Variants in OTC observed in about 807,000 individuals in gnomAD.
OTC encodes the protein ornithine transcarbamylase, mitochondrial.
Under a neutral mutation model 30.3 loss-of-function variants are expected in OTC, and 3 were observed. That is an observed-to-expected ratio of 0.10 (90% CI 0.05 to 0.26). The LOEUF is 0.26. Among genes scored for constraint, OTC ranks in the 10% least tolerant of loss-of-function variants. The pLI is 1.00. For synonymous variants in OTC, 111 were observed against 99.7 expected (o/e 1.11, Z -0.67); for missense variants, 194 against 260.3 (o/e 0.75, Z 1.75).
rs942061780 is a variant in OTC at position 38,406,443 on chromosome X, T to A, written c.664-2299T>A. ...GGGTGTGTTAATCACCTTCTTTGTCTGGTTTTAAAATTTATGTAAAGGCTA... is the reference window on the plus strand; with the variant it reads ...GGGTGTGTTAATCACCTTCTTTGTCAGGTTTTAAAATTTATGTAAAGGCTA... On this transcript the variant is annotated intron_variant, in intron 6 of 9. Transcript: ENST00000039007. 4.5e-5 allele frequency among the ~76,000 whole-genome samples: 5 copies of A among 112,012 alleles called. No individual in the cohort carries two copies. In the Admixed American group the frequency reaches 4.7e-4, roughly 11 times the overall value.
chrX:38,367,382 C>A lies in OTC; in HGVS notation c.169C>A (p.Leu57Ile). 1 of 1,201,920 alleles carries A rather than the reference C, an allele frequency of 8.3e-7. No individual in the cohort carries two copies. The highest frequency in any genetic ancestry group is 1.1e-6 in the Non-Finnish European group (1 of 886,829). ...TACCGGAGAAGAAATTAAATATATGCTATGGCTATCAGCAGATCTGAAATT... is the reference window on the plus strand; with the variant it reads ...TACCGGAGAAGAAATTAAATATATGATATGGCTATCAGCAGATCTGAAATT... ...NFTGEEIKYM[L>I]WLSADLKFRI... Residue 57 changes from leucine (L) to isoleucine (I), a missense_variant, in exon 2 of 10, where the codon CTA (leucine) becomes ATA (isoleucine). Leu to Ile is a conservative substitution (Grantham distance 5). Coordinates refer to ENST00000039007, the MANE Select transcript of OTC (RefSeq NM_000531.6).
intron 9 of OTC, among the ~76,000 whole-genome samples, chrX:38,416,669 A>C (rs1275916580): frequency 8.9e-6 from 1 of 112,259 alleles, no homozygotes; most frequent in African/African-American, 3.2e-5. Flanking sequence ...ACAATGAATA[A>C]TTTTTAGTCT....
chrX:38,383,436 C>T (rs2068386131), intron 4 of OTC, among the ~76,000 whole-genome samples: 2 of 111,762 alleles, frequency 1.8e-5, no homozygotes, highest in South Asian at 7.4e-4. Flanking sequence ...TTTCTAAGGC[C>T]GTGTTGTTTT....
At chrX:38,390,500 C>T (rs774299296) in intron 4 of OTC, among the ~76,000 whole-genome samples, 2 of 112,214 alleles carry the variant, frequency 1.8e-5, no homozygotes, top group Non-Finnish European at 3.8e-5. Flanking sequence ...TATGCACAAC[C>T]AAAACATCCT....
intron 2 of OTC, 98 bp from the exon 3 acceptor site, chrX:38,369,685 TAAACACTTATTTG>T: frequency 2.6e-6 from 1 of 381,657 alleles, no homozygotes; most frequent in Non-Finnish European, 4.4e-6. Flanking sequence ...AACAATATTT[TAAACACTTATTTG>T]GGGGTAGTTA....
At chrX:38,386,368 A>T (rs769629739) in intron 4 of OTC, among the ~76,000 whole-genome samples, 4 of 42,298 alleles carry the variant, frequency 9.5e-5, no homozygotes, top group African/African-American at 2.9e-4. Flanking sequence ...GTGAGACTCC[A>T]TCTCAAAAAA....
chrX:38,337,146 A>G, the OTC span, among the ~76,000 whole-genome samples: 1 of 111,911 alleles, frequency 8.9e-6, no homozygotes, highest in South Asian at 3.7e-4. Flanking sequence ...GGCCCACCAA[A>G]TAGCATGCCT....
chrX:38,333,483 A>G, the OTC span, among the ~76,000 whole-genome samples: 1 of 110,028 alleles, frequency 9.1e-6, no homozygotes, highest in Admixed American at 9.7e-5. Flanking sequence ...ACAGTCACGC[A>G]TGCTTTCGGT....
chrX:38,394,284 ATTTTC>A (rs1489816590), intron 4 of OTC, among the ~76,000 whole-genome samples: 1 of 112,348 alleles, frequency 8.9e-6, no homozygotes, highest in African/African-American at 3.2e-5. Context: ...TATTGTGAAC[ATTTTC>A]TTTTCTTTTA....
chrX:38,377,394 C>A (rs1157842118), intron 3 of OTC, among the ~76,000 whole-genome samples: 1 of 111,157 alleles, frequency 9.0e-6, no homozygotes, highest in Non-Finnish European at 1.9e-5. Flanking sequence ...AATGATGCAT[C>A]TTAAAGAACT....
Position 38,370,386 on chromosome X carries a change from T to C in OTC, c.298+509T>C, listed in dbSNP as rs777637238. On this transcript the variant is annotated intron_variant, in intron 3 of 9. Transcript: ENST00000039007. ...ATCTGAATGTCAAGACATGTAGGGG[T>C]ATGGGGATCTGGTCCTTGGTCATTA... Among the ~76,000 whole-genome samples, 5 of 111,737 alleles carry C rather than the reference T, an allele frequency of 4.5e-5. No homozygotes were observed. The South Asian group carries it at 1.9e-3, about 42-fold the overall frequency.
At chrX:38,373,383 A>G (rs943430786) in intron 3 of OTC, among the ~76,000 whole-genome samples, 2 of 112,685 alleles carry the variant, frequency 1.8e-5, no homozygotes, top group African/African-American at 6.5e-5. Context: ...TAGATCATTC[A>G]TGCCTCATCC....
the OTC span, among the ~76,000 whole-genome samples, chrX:38,329,413 T>C: frequency 9.0e-5 from 10 of 111,579 alleles, no homozygotes; most frequent in Non-Finnish European, 1.3e-4. Context: ...CTTGAGATAC[T>C]TGCAACACTG....
intron 9 of OTC, among the ~76,000 whole-genome samples, chrX:38,413,998 A>C (rs2068557287): frequency 9.0e-6 from 1 of 110,794 alleles, no homozygotes; most frequent in African/African-American, 3.3e-5. Context: ...GGACCCAGTT[A>C]TTGCAGGTGC....
chrX:38,393,498 C>T (rs751795662), intron 4 of OTC, among the ~76,000 whole-genome samples: 3 of 111,937 alleles, frequency 2.7e-5, no homozygotes, highest in African/African-American at 9.7e-5. Flanking sequence ...ACAAGAGACT[C>T]TTTATACTTT....
chrX:38,339,048 TG>T, the OTC span, among the ~76,000 whole-genome samples: 2 of 111,783 alleles, frequency 1.8e-5, no homozygotes, highest in African/African-American at 3.3e-5. Context: ...GGGAACTAGT[TG>T]GGGGGTGGGT....
At chrX:38,390,374 A>C (rs953236043) in intron 4 of OTC, among the ~76,000 whole-genome samples, 11 of 112,406 alleles carry the variant, frequency 9.8e-5, no homozygotes, top group Non-Finnish European at 1.9e-4. Context: ...ATCAATTTAC[A>C]TTGGGGATAG....
intron 4 of OTC, among the ~76,000 whole-genome samples, chrX:38,385,112 A>G (rs2068396195): frequency 9.0e-6 from 1 of 110,937 alleles, no homozygotes; most frequent in Non-Finnish European, 1.9e-5. Context: ...TCTACTAAAA[A>G]TACAAAAATT....
the OTC span, among the ~76,000 whole-genome samples, chrX:38,344,931 AG>A: frequency 1.8e-5 from 2 of 111,041 alleles, no homozygotes; most frequent in African/African-American, 3.3e-5. Context: ...GGGTCAGGCA[AG>A]CTCAGTGGCT....
Sources: gnomAD v4.1 joint callset for allele counts (sites outside exome capture counted in the v4.1 genomes callset) on GRCh38, gnomAD v4.1.1 for gene constraint, MANE v1.5 for transcripts, NCBI Gene and HGNC (gene_info 2026-07-23, HGNC 2026-07-21) for gene names.